COX10: variants seen among roughly 807,000 people sequenced by gnomAD.
COX10 encodes protoheme IX farnesyltransferase, mitochondrial.
Under a neutral mutation model 37.3 loss-of-function variants are expected in COX10, and 27 were observed. The observed-to-expected ratio is 0.72, with a 90% CI of 0.53 to 1.00. COX10 has a LOEUF of 1.00. Among genes scored for constraint, COX10 ranks in the 50% least tolerant of loss-of-function variants. COX10 has a pLI of 0.00. For missense variants in COX10, 475 were observed against 563.2 expected (o/e 0.84, Z 1.59); for synonymous variants, 222 against 229.1 (o/e 0.97, Z 0.28).
rs1916302808 is a variant in COX10 at position 14,124,946 on chromosome 17, C to G, written c.624+22704C>G. 1.3e-5 allele frequency among the ~76,000 whole-genome samples: 2 copies of G among 152,118 alleles called. 1 individual carries two copies. The highest frequency in any genetic ancestry group is 4.1e-4 in the South Asian group (2 of 4,824). On this transcript the variant is annotated intron_variant, in intron 4 of 6. Coordinates refer to ENST00000261643, the MANE Select transcript of COX10 (RefSeq NM_001303.4). Reference sequence around the variant, plus strand: ...CCTTTTGTGTAAAATGTATTTCAATCTCGTTATTTTTTCTATTGCTTTACT... The same window carrying G: ...CCTTTTGTGTAAAATGTATTTCAATGTCGTTATTTTTTCTATTGCTTTACT...
At chr17:14,187,509 A>G (rs1459299999) in intron 5 of COX10, among the ~76,000 whole-genome samples, 7 of 152,056 alleles carry the variant, frequency 4.6e-5, no homozygotes. Flanking sequence ...CATATTCTCA[A>G]TTTTTTTTAA....
chr17:14,172,764 G>A (rs1403057072), intron 5 of COX10, among the ~76,000 whole-genome samples: 1 of 151,580 alleles, frequency 6.6e-6, no homozygotes, highest in East Asian at 1.9e-4. Context: ...ACTTTGTGTG[G>A]CCGGTTTCGA....
intron 4 of COX10, among the ~76,000 whole-genome samples, chr17:14,155,331 A>T (rs78542338): frequency 4.2e-5 from 1 of 23,806 alleles, no homozygotes; most frequent in South Asian, 1.2e-3. Context: ...CATCTACATA[A>T]AAAAAAAAAA....
chr17:14,119,045 G>A (rs1172201572), intron 4 of COX10, among the ~76,000 whole-genome samples: 1 of 151,820 alleles, frequency 6.6e-6, no homozygotes, highest in African/African-American at 2.4e-5. Context: ...CATTTTTTAT[G>A]TTGGGGAGTT....
intron 5 of COX10, 92 bp downstream of exon 5, chr17:14,160,039 G>A (rs569926153): frequency 6.1e-6 from 7 of 1,148,844 alleles, no homozygotes; most frequent in African/African-American, 3.1e-5. Flanking sequence ...TTTGAGCTGC[G>A]AAGTGGAAAT....
At chr17:14,192,465 G>A (rs1047968925) in intron 6 of COX10, among the ~76,000 whole-genome samples, 4 of 152,148 alleles carry the variant, frequency 2.6e-5, no homozygotes, top group African/African-American at 9.7e-5. Flanking sequence ...AAAAAAGGAA[G>A]CAGTGCTGCC....
intron 4 of COX10, among the ~76,000 whole-genome samples, chr17:14,127,629 T>A (rs1298135180): frequency 5.9e-5 from 9 of 152,202 alleles, no homozygotes. Context: ...GTGATTTCTA[T>A]TAAATAAAAA....
intron 6 of COX10, 111 bp downstream of exon 6, chr17:14,192,332 T>A: frequency 8.1e-6 from 13 of 1,613,768 alleles, no homozygotes; most frequent in Non-Finnish European, 1.1e-5. Context: ...ATTAATTCTT[T>A]TAGCAAATGT....
intron 1 of COX10, among the ~76,000 whole-genome samples, chr17:14,073,314 G>A (rs1467977001): frequency 2.6e-5 from 4 of 152,150 alleles, no homozygotes; most frequent in African/African-American, 2.4e-5. Flanking sequence ...GAGTAGATTG[G>A]ACTTGATGAT....
chr17:14,141,309 G>C (rs1232687198), intron 4 of COX10, among the ~76,000 whole-genome samples: 42 of 151,976 alleles, frequency 2.8e-4, no homozygotes, highest in Non-Finnish European at 7.4e-5. Flanking sequence ...GGAGGACGAG[G>C]TGGGCAGATT....
At chr17:14,189,314 CAG>C (rs1347578461) in intron 5 of COX10, among the ~76,000 whole-genome samples, 1 of 152,158 alleles carries the variant, frequency 6.6e-6, no homozygotes, top group Non-Finnish European at 1.5e-5. Flanking sequence ...CCACTTAAAT[CAG>C]GGCATGAAAA....
intron 3 of COX10, among the ~76,000 whole-genome samples, chr17:14,101,737 C>T (rs757832634): frequency 3.3e-5 from 5 of 152,106 alleles, no homozygotes; most frequent in Admixed American, 1.3e-4. Context: ...GCATATCTGC[C>T]GTCTCCCTTT....
At chr17:14,151,526 AACACACACACACACACACACACAC>A (rs58412592) in intron 4 of COX10, among the ~76,000 whole-genome samples, 7 of 144,750 alleles carry the variant, frequency 4.8e-5, no homozygotes, top group South Asian at 2.3e-4. Flanking sequence ...TTCCTGAACT[AACACACACACACACACACACACAC>A]ACACACACAC....
chr17:14,102,415 G>A (rs1459327625), intron 4 of COX10, among the ~76,000 whole-genome samples, 173 bp downstream of exon 4: 1 of 152,134 alleles, frequency 6.6e-6, no homozygotes. Flanking sequence ...TTCTTTTGAG[G>A]TGAATGGTTT....
chr17:14,193,022 G>A (rs1330914444), intron 6 of COX10, among the ~76,000 whole-genome samples: 6 of 152,180 alleles, frequency 3.9e-5, no homozygotes, highest in Admixed American at 2.6e-4. Flanking sequence ...TTACAAATGC[G>A]ATTACACCTT....
intron 4 of COX10, among the ~76,000 whole-genome samples, chr17:14,137,516 T>C (rs1408697304): frequency 2.6e-5 from 4 of 151,906 alleles, no homozygotes; most frequent in Non-Finnish European, 5.9e-5. Context: ...AATTAACATA[T>C]CCTAAGTGAA....
intron 5 of COX10, among the ~76,000 whole-genome samples, chr17:14,190,103 G>A (rs1452468071): frequency 6.6e-6 from 1 of 152,168 alleles, no homozygotes; most frequent in African/African-American, 2.4e-5. Flanking sequence ...AAGAGGGAAG[G>A]GCATCTGTTA....
chr17:14,145,851 G>C (rs1904697111), intron 4 of COX10, among the ~76,000 whole-genome samples: 1 of 152,028 alleles, frequency 6.6e-6, no homozygotes, highest in Admixed American at 6.6e-5. Context: ...ACTGATGATA[G>C]GAATAAAAAA....
At chr17:14,147,002 G>A (rs1249950066) in intron 4 of COX10, among the ~76,000 whole-genome samples, 1 of 152,116 alleles carries the variant, frequency 6.6e-6, no homozygotes, top group Non-Finnish European at 1.5e-5. Flanking sequence ...AACAAATGCT[G>A]GCAAGGATGT....
Sources: gnomAD v4.1 joint callset for allele counts (sites outside exome capture counted in the v4.1 genomes callset) on GRCh38, gnomAD v4.1.1 for gene constraint, MANE v1.5 for transcripts, NCBI Gene and HGNC (gene_info 2026-07-23, HGNC 2026-07-21) for gene names.